Variants in FAM13A observed in about 807,000 individuals in gnomAD.
FAM13A encodes the protein protein FAM13A.
A neutral mutation model predicts 129.6 loss-of-function variants in FAM13A; 76 were observed. The observed-to-expected ratio is 0.59, with a 90% CI of 0.49 to 0.71. The LOEUF is 0.71. FAM13A is among the 30% of genes least tolerant of loss of function. The pLI is 0.00. For synonymous variants in FAM13A, 443 were observed against 449.9 expected (o/e 0.98, Z 0.20); for missense variants, 1,108 against 1,249.3 (o/e 0.89, Z 1.70).
At chr4:88,889,602 C>T (rs1480221556) in intron 6 of FAM13A, among the ~76,000 whole-genome samples, 2 of 151,994 alleles carry the variant, frequency 1.3e-5, no homozygotes, top group East Asian at 1.9e-4. Flanking sequence ...ATGACATTTC[C>T]CAGACTTCCA....
At chr4:88,781,118 A>G (rs1722762184) in intron 11 of FAM13A, 47 bp downstream of exon 11, 4 of 1,264,138 alleles carry the variant, frequency 3.2e-6, no homozygotes, top group Non-Finnish European at 4.3e-6. Context: ...AAGAAAAGAG[A>G]TGTAATATTT....
At chr4:89,052,915 C>T (rs1771792148) in intron 1 of FAM13A, among the ~76,000 whole-genome samples, 1 of 152,076 alleles carries the variant, frequency 6.6e-6, no homozygotes. Flanking sequence ...AAACTATAAT[C>T]TCATCAAATA....
In FAM13A at chr4:89,020,533, C is replaced by T. The variant is rs149169711; in HGVS notation, c.354G>A (p.Lys118=). Residue 118 remains lysine, a synonymous_variant, in exon 3 of 24, where the codon AAG becomes AAA. Transcript: ENST00000264344. ...TGTCAGGCAGCTCCCTCAGAAACAG[C>T]TTCAACAGACTGGCTGCTGAGCAGA... ...GDVCSAASLL[K]LFLRELPDSL... is the part of the protein sequence containing the mutation. The T allele has an allele frequency of 9.9e-6, 16 of 1,613,976 alleles. No individual in the cohort carries two copies. The African/African-American group carries it at 2.1e-4, about 22-fold the overall frequency.
intron 8 of FAM13A, among the ~76,000 whole-genome samples, chr4:88,798,519 T>G (rs932179510): frequency 1.3e-5 from 2 of 152,174 alleles, no homozygotes; most frequent in African/African-American, 2.4e-5. Flanking sequence ...GCTTTTCTGA[T>G]TAGTGCAATA....
intron 4 of FAM13A, among the ~76,000 whole-genome samples, chr4:88,946,895 A>G (rs115474105): frequency 2.0e-5 from 3 of 152,126 alleles, no homozygotes; most frequent in African/African-American, 7.2e-5. Flanking sequence ...CTGGAATGAC[A>G]AAAACTCAAA....
intron 11 of FAM13A, among the ~76,000 whole-genome samples, chr4:88,769,637 T>A (rs893282378): frequency 1.3e-5 from 2 of 151,934 alleles, no homozygotes; most frequent in Non-Finnish European, 2.9e-5. Context: ...ATCGAGACCA[T>A]CCTGACCAAC....
At chr4:88,906,648 A>T (rs1561301980) in intron 5 of FAM13A, among the ~76,000 whole-genome samples, 186 bp from the exon 6 acceptor site, 1 of 152,218 alleles carries the variant, frequency 6.6e-6, no homozygotes, top group Non-Finnish European at 1.5e-5. Context: ...ACAACAATAA[A>T]GTAAGATAAG....
intron 1 of FAM13A, among the ~76,000 whole-genome samples, chr4:89,037,107 C>A (rs765994769): frequency 6.6e-6 from 1 of 152,170 alleles, no homozygotes; most frequent in African/African-American, 2.4e-5. Flanking sequence ...GAGAAGAGGA[C>A]CACCATCTTC....
Position 88,816,958 on chromosome 4 carries a change from C to T in FAM13A, c.1008-11906G>A, listed in dbSNP as rs1578795833. On this transcript the variant is annotated intron_variant, in intron 7 of 23. Transcript: ENST00000264344. ...TTAATAGCAGCATTATTCATAACAGCCAAAAGGTGGAAATAACCCAAATGT... is the reference window on the plus strand; with the variant it reads ...TTAATAGCAGCATTATTCATAACAGTCAAAAGGTGGAAATAACCCAAATGT... Among the ~76,000 whole-genome samples the T allele has an allele frequency of 2.0e-5, 3 of 152,128 alleles. No individual in the cohort carries two copies. In the South Asian group the frequency reaches 6.2e-4, roughly 32 times the overall value.
rs184743658 is a variant in FAM13A at position 88,739,017 on chromosome 4, G to A, written c.2562+13C>T. ...AAGGTGTTGTACCAGCCACGGGAAG[G>A]TATTCTACTCACAATGATGGGTATG... On this transcript the variant is annotated intron_variant, in intron 20 of 23. Transcript: ENST00000264344. 173 of 1,566,192 alleles carry A rather than the reference G, an allele frequency of 1.1e-4. No individual in the cohort carries two copies. Among genetic ancestry groups the A allele is most frequent in the South Asian group, 3.4e-4 (31 of 90,068 alleles).
intron 7 of FAM13A, among the ~76,000 whole-genome samples, chr4:88,849,366 A>G (rs1463052241): frequency 6.6e-6 from 1 of 152,172 alleles, no homozygotes; most frequent in Non-Finnish European, 1.5e-5. Flanking sequence ...TCCCTATGGT[A>G]TCTATCACCT....
At chr4:88,970,707 A>G (rs997254880) in intron 4 of FAM13A, among the ~76,000 whole-genome samples, 1 of 152,178 alleles carries the variant, frequency 6.6e-6, no homozygotes, top group African/African-American at 2.4e-5. Context: ...AGAAGAAGTC[A>G]TAATTGAAAT....
At chr4:88,850,605 G>C (rs1737404544) in intron 7 of FAM13A, among the ~76,000 whole-genome samples, 1 of 152,092 alleles carries the variant, frequency 6.6e-6, no homozygotes, top group Non-Finnish European at 1.5e-5. Context: ...AGAGAAGTCT[G>C]CTTTCAGTTA....
intron 4 of FAM13A, among the ~76,000 whole-genome samples, chr4:88,987,280 A>T (rs1041524549): frequency 9.2e-5 from 14 of 152,220 alleles, no homozygotes; most frequent in African/African-American, 3.4e-4. Context: ...CAACCCAAAA[A>T]GAAAAAACTG....
intron 2 of FAM13A, among the ~76,000 whole-genome samples, chr4:89,026,228 C>T (rs1028915067): frequency 6.6e-6 from 1 of 152,172 alleles, no homozygotes; most frequent in Non-Finnish European, 1.5e-5. Flanking sequence ...GTAAATAAAT[C>T]CTGTTAAAGC....
At chr4:88,804,110 C>T (rs370109356) in intron 8 of FAM13A, among the ~76,000 whole-genome samples, 25 of 151,898 alleles carry the variant, frequency 1.6e-4, no homozygotes, top group African/African-American at 4.8e-4. Flanking sequence ...AAAAATTAGC[C>T]GGGCGTGGTG....
intron 4 of FAM13A, among the ~76,000 whole-genome samples, chr4:88,986,273 A>C (rs1762235582): frequency 1.3e-5 from 2 of 151,940 alleles, no homozygotes; most frequent in Non-Finnish European, 2.9e-5. Context: ...AGCTGTGATT[A>C]CAGGCATCTG....
At chr4:88,742,778 C>G (rs1386452687) in intron 19 of FAM13A, among the ~76,000 whole-genome samples, 1 of 152,152 alleles carries the variant, frequency 6.6e-6, no homozygotes, top group African/African-American at 2.4e-5. Flanking sequence ...GACTCATCAG[C>G]TGCTCAGGGA....
chr4:88,749,282 A>G (rs1392178908), intron 16 of FAM13A, among the ~76,000 whole-genome samples: 1 of 152,216 alleles, frequency 6.6e-6, no homozygotes, highest in Non-Finnish European at 1.5e-5. Flanking sequence ...GACTTCTGTG[A>G]GGTCCATGAC....
Sources: gnomAD v4.1 joint callset for allele counts (sites outside exome capture counted in the v4.1 genomes callset) on GRCh38, gnomAD v4.1.1 for gene constraint, MANE v1.5 for transcripts, NCBI Gene and HGNC (gene_info 2026-07-23, HGNC 2026-07-21) for gene names.